The following CFAP70 variants were observed in gnomAD, a reference collection of about 807,000 sequenced individuals.
CFAP70 encodes cilia- and flagella-associated protein 70.
In CFAP70, 81 loss-of-function variants were observed where a neutral mutation model predicts 137.6. That is an observed-to-expected ratio of 0.59 (90% CI 0.49 to 0.71). The LOEUF (loss-of-function observed/expected upper bound fraction) is 0.71. CFAP70 is among the 30% of genes least tolerant of loss of function. The pLI, the probability that CFAP70 is intolerant of heterozygous loss-of-function variation, is 0.00. For missense variants in CFAP70, 976 were observed against 1,226.7 expected (o/e 0.80, Z 3.05); for synonymous variants, 382 against 423.6 (o/e 0.90, Z 1.20).
At chr10:73,341,798 C>T (rs1028046536) in intron 5 of CFAP70, among the ~76,000 whole-genome samples, 6 of 152,146 alleles carry the variant, frequency 3.9e-5, no homozygotes, top group Non-Finnish European at 7.4e-5. Flanking sequence ...GCAAATTATT[C>T]TTGTTCATAA....
chr10:73,284,818 G>A (rs575448719), intron 19 of CFAP70, among the ~76,000 whole-genome samples: 1 of 101,580 alleles, frequency 9.8e-6, no homozygotes, highest in South Asian at 3.2e-4. Context: ...GTTGTTTTGG[G>A]ACACAGTCAC....
At chr10:73,336,500 C>T (rs911997962) in intron 6 of CFAP70, among the ~76,000 whole-genome samples, 2 of 149,728 alleles carry the variant, frequency 1.3e-5, no homozygotes, top group African/African-American at 4.9e-5. Flanking sequence ...CCTCATTTTA[C>T]AAATTATTTT....
intron 7 of CFAP70, among the ~76,000 whole-genome samples, chr10:73,335,101 G>A (rs1442228727): frequency 3.7e-5 from 2 of 53,632 alleles, no homozygotes; most frequent in Non-Finnish European, 7.6e-5. Flanking sequence ...GTCTTACTTT[G>A]TTGCCCAGGC....
At chr10:73,281,864 C>T (rs968199967) in intron 19 of CFAP70, among the ~76,000 whole-genome samples, 1 of 152,148 alleles carries the variant, frequency 6.6e-6, no homozygotes, top group Non-Finnish European at 1.5e-5. Flanking sequence ...AGCTGGAGGC[C>T]ATTATCCTAA....
rs201722432 is a variant in CFAP70, at chr10:73,291,670, G to A, written c.1990C>T (p.Pro664Ser). The stretch of plus-strand genomic sequence containing the variant: ...AAAGTCCAGGCTACAACATTAGTTG[G>A]TTCCAAGCAAGTAGCATCCTCAAAG... Residue 664 changes from proline to serine, a missense_variant, in exon 18 of 27, where the codon CCA becomes TCA. Physicochemically the swap from Pro to Ser is moderately conservative, Grantham distance 74 (BLOSUM62 -1). Transcript: ENST00000310715. 1.1e-5 allele frequency: 18 copies of A among 1,613,710 alleles called. No homozygotes were observed. The Admixed American group carries it at 1.8e-4, about 16-fold the overall frequency.
intron 9 of CFAP70, 142 bp downstream of exon 10, chr10:73,322,821 G>T (rs2050995847): frequency 1.6e-6 from 1 of 643,930 alleles, no homozygotes; most frequent in Non-Finnish European, 2.3e-6. Context: ...AATGCAGAAT[G>T]ACTGTAAGGC....
intron 5 of CFAP70, among the ~76,000 whole-genome samples, chr10:73,342,586 G>GC (rs1291910568): frequency 3.3e-5 from 5 of 152,004 alleles, no homozygotes; most frequent in Admixed American, 3.3e-4. Flanking sequence ...GATAGATAAA[G>GC]AACAGGAACA....
intron 8 of CFAP70, 148 bp downstream of exon 9, chr10:73,331,029 G>A (rs897158053): frequency 3.6e-6 from 2 of 552,082 alleles, no homozygotes; most frequent in East Asian, 6.3e-5. Flanking sequence ...TAAAACAAGT[G>A]ACATTCAAGG....
At chr10:73,346,176 C>T (rs552035506) in intron 4 of CFAP70, among the ~76,000 whole-genome samples, 2 of 151,768 alleles carry the variant, frequency 1.3e-5, no homozygotes, top group African/African-American at 2.4e-5. Context: ...GGATTACAGG[C>T]GTGAGCCACT....
chr10:73,269,919 G>A (rs912102299), intron 24 of CFAP70, among the ~76,000 whole-genome samples: 5 of 152,130 alleles, frequency 3.3e-5, no homozygotes, highest in South Asian at 2.1e-4. Context: ...AAGCCAGGTC[G>A]GGGATTCTGA....
intron 1 of CFAP70, among the ~76,000 whole-genome samples, chr10:73,358,424 G>A (rs1340325493): frequency 6.6e-6 from 1 of 152,246 alleles, no homozygotes; most frequent in East Asian, 1.9e-4. Flanking sequence ...GAGGCGATGT[G>A]ACTGAGTCTG....
At chr10:73,304,143 A>G (rs11000592) in intron 12 of CFAP70, among the ~76,000 whole-genome samples, 16,080 of 151,528 alleles carry the variant, frequency 0.11, 1,227 homozygotes, top group East Asian at 0.31. Context: ...TGCAACCTCC[A>G]CCTCCTGGGT....
At chr10:73,359,296 C>A (rs1405122115), upstream of CFAP70, among the ~76,000 whole-genome samples, 1 of 152,104 alleles carries the variant, frequency 6.6e-6, no homozygotes, top group Non-Finnish European at 1.5e-5. Flanking sequence ...CTGGAAACAA[C>A]CCAAGTGCCC....
intron 12 of CFAP70, among the ~76,000 whole-genome samples, chr10:73,305,981 T>G (rs1163557653): frequency 1.3e-5 from 2 of 151,892 alleles, no homozygotes; most frequent in African/African-American, 4.8e-5. Context: ...AGAGTATCAG[T>G]AGAAACAGAA....
chr10:73,306,035 A>G (rs373307448), intron 12 of CFAP70, among the ~76,000 whole-genome samples: 5 of 152,264 alleles, frequency 3.3e-5, no homozygotes, highest in Admixed American at 1.3e-4. Context: ...TAAAAGTACA[A>G]TATTTGGAAT....
chr10:73,273,722 A>G (rs904383355), intron 23 of CFAP70, among the ~76,000 whole-genome samples: 56 of 152,316 alleles, frequency 3.7e-4, no homozygotes, highest in African/African-American at 1.3e-3. Flanking sequence ...TCCACTTAAC[A>G]TCATACAGCA....
intron 7 of CFAP70, among the ~76,000 whole-genome samples, chr10:73,333,466 T>C (rs1463683445): frequency 6.6e-6 from 1 of 151,776 alleles, no homozygotes; most frequent in Non-Finnish European, 1.5e-5. Flanking sequence ...TATCTAGGCA[T>C]ATCATTTTCA....
intron 1 of CFAP70, among the ~76,000 whole-genome samples, chr10:73,356,852 A>C (rs1188224409): frequency 6.6e-6 from 1 of 152,078 alleles, no homozygotes; most frequent in East Asian, 1.9e-4. Context: ...GGTGTCTCTG[A>C]CTCCAGTTTC....
At position 73,278,665 on chromosome 10, in the gene CFAP70, C is replaced by T. The variant is rs112125951; in HGVS notation, c.2240-328G>A. Among the ~76,000 whole-genome samples the T allele has an allele frequency of 2.3e-3, 355 of 152,120 alleles. 2 individuals carry two copies. Among genetic ancestry groups the T allele is most frequent in the African/African-American group, 5.7e-3 (238 of 41,512 alleles). On this transcript the variant is annotated intron_variant, in intron 19 of 26. Transcript: ENST00000310715. Reference sequence around the variant, plus strand: ...TTACATACAGATCTTTGCAAGGATACGTTTGTTTCAGTTGGGTTAAGATCT... The same window carrying T: ...TTACATACAGATCTTTGCAAGGATATGTTTGTTTCAGTTGGGTTAAGATCT...
Sources: allele counts gnomAD v4.1 joint callset (sites outside exome capture counted in the v4.1 genomes callset), GRCh38; gene constraint gnomAD v4.1.1; transcripts MANE v1.5; gene names NCBI Gene and HGNC (gene_info 2026-07-23, HGNC 2026-07-21).